SMARCAD1: variants seen among roughly 807,000 people sequenced by gnomAD.
SMARCAD1 encodes the protein SWI/SNF-related matrix-associated actin-dependent regulator of chromatin subfamily A containing DEAD/H box 1.
SMARCAD1 carries 25 observed loss-of-function variants against 127.1 expected under a neutral mutation model. The observed-to-expected ratio is 0.20, with a 90% CI of 0.14 to 0.27. The LOEUF (loss-of-function observed/expected upper bound fraction) is 0.27. Ranked by LOEUF, SMARCAD1 falls within the 10% of genes least tolerant of loss-of-function variation. The pLI, the probability that SMARCAD1 is intolerant of heterozygous loss-of-function variation, is 1.00. For missense variants in SMARCAD1, 807 were observed against 1,206.0 expected, an observed-to-expected ratio of 0.67 and a Z score of 4.90; for synonymous variants, 400 against 396.9, an observed-to-expected ratio of 1.01 and a Z score of -0.09.
intron 3 of SMARCAD1, 76 bp downstream of exon 3, chr4:94,226,372 T>A: frequency 9.9e-6 from 12 of 1,213,360 alleles, no homozygotes; most frequent in Non-Finnish European, 1.3e-5. Flanking sequence ...TAATTTGAGA[T>A]ATTTTGGTGA....
chr4:94,250,414 G>A (rs1749114959), intron 7 of SMARCAD1, among the ~76,000 whole-genome samples: 1 of 151,976 alleles, frequency 6.6e-6, no homozygotes, highest in Non-Finnish European at 1.5e-5. Flanking sequence ...TTGAAACTAC[G>A]TTTTGAAGTT....
chr4:94,212,612 A>T (rs1307415622), intron 2 of SMARCAD1, among the ~76,000 whole-genome samples: 1 of 151,614 alleles, frequency 6.6e-6, no homozygotes, highest in Non-Finnish European at 1.5e-5. Context: ...TCAGCCTCCC[A>T]AGTAGCTGAG....
At chr4:94,243,590 T>C (rs1049868737) in intron 6 of SMARCAD1, among the ~76,000 whole-genome samples, 3 of 152,208 alleles carry the variant, frequency 2.0e-5, no homozygotes, top group Admixed American at 6.5e-5. Flanking sequence ...TTTTAAAATG[T>C]GAATTTATTC....
chr4:94,249,001 CTT>C (rs1404758460), intron 6 of SMARCAD1, among the ~76,000 whole-genome samples: 1 of 152,060 alleles, frequency 6.6e-6, no homozygotes, highest in Non-Finnish European at 1.5e-5. Context: ...CACAAGGAGT[CTT>C]TTCTTTTTGC....
chr4:94,283,898 C>T (rs1754468629), intron 22 of SMARCAD1, among the ~76,000 whole-genome samples: 1 of 152,094 alleles, frequency 6.6e-6, no homozygotes, highest in African/African-American at 2.4e-5. Flanking sequence ...CTTGTTAGAT[C>T]AGTTAAGTCC....
chr4:94,271,924 A>G (rs892413155), intron 11 of SMARCAD1, among the ~76,000 whole-genome samples: 4 of 152,240 alleles, frequency 2.6e-5, no homozygotes, highest in Non-Finnish European at 4.4e-5. Flanking sequence ...GCGCAACACA[A>G]TATTTATAAG....
At chr4:94,212,943 G>A (rs1316998002) in intron 2 of SMARCAD1, 1 of 586,064 alleles carries the variant, frequency 1.7e-6, no homozygotes, top group African/African-American at 1.9e-5. Context: ...TCTGCCCCCT[G>A]ATTTATTTTA....
rs1166187219 is a variant in SMARCAD1, at chr4:94,290,406, ATGTTGGTGACATTT to A, written c.*874_*887del. On this transcript the variant is annotated 3_prime_UTR_variant, in exon 24 of 24. Transcript: ENST00000354268. ...TGCCACATCTCCATGCATCAGCAAA[ATGTTGGTGACATTT>A]TTCTAGCCTGGCAGAACAGATTACT... The A allele has an allele frequency of 2.2e-6, 1 of 454,420 alleles. No individual in the cohort carries two copies. The highest frequency in any genetic ancestry group is 2.0e-5 in the African/African-American group (1 of 49,998). 28.1% of individuals were successfully genotyped at this position (454,420 alleles called of 1,614,324 possible).
intron 2 of SMARCAD1, among the ~76,000 whole-genome samples, chr4:94,218,418 G>C (rs534585448): frequency 1.3e-5 from 2 of 151,948 alleles, no homozygotes; most frequent in East Asian, 3.9e-4. Context: ...TCAGCCTCCT[G>C]AGTAGCTGGT....
Position 94,249,992 on chromosome 4 carries a change from A to G in SMARCAD1, c.807+237A>G, listed in dbSNP as rs78894912. Among the ~76,000 whole-genome samples the G allele has an allele frequency of 6.7e-3, 1,020 of 152,072 alleles. 6 individuals are homozygous for G. The highest frequency in any genetic ancestry group is 0.054 in the Middle Eastern group (16 of 294). On this transcript the variant is annotated intron_variant, in intron 7 of 23. Transcript: ENST00000354268. ...AAGTCATTAAAAAATAACCGTAATAAAAATTGTGAACTCATTTATAACATG... is the reference window on the plus strand; with the variant it reads ...AAGTCATTAAAAAATAACCGTAATAGAAATTGTGAACTCATTTATAACATG...
rs1169646971 is a variant in SMARCAD1 at position 94,289,882 on chromosome 4, A to G, written c.*348A>G. On this transcript the variant is annotated 3_prime_UTR_variant, in exon 24 of 24. Transcript: ENST00000354268. ...ATTATTTCTACCTCCAAATATATAT[A>G]TATTGTCTTTCACTGGATAATGTGT... 4.3e-6 allele frequency: 2 copies of G among 462,050 alleles called. No individual in the cohort carries two copies. Among genetic ancestry groups the G allele is most frequent in the East Asian group, 1.3e-4 (2 of 15,150 alleles). The allele number at this position is 462,050 out of a possible 1,614,324, so 28.6% of individuals were successfully genotyped here.
At chr4:94,283,354 G>C (rs774500270) in intron 22 of SMARCAD1, 51 bp downstream of exon 22, 18 of 1,551,692 alleles carry the variant, frequency 1.2e-5, no homozygotes, top group Non-Finnish European at 1.6e-5. Context: ...ACTTTAATTT[G>C]TGTAGACCAT....
At chr4:94,211,030 T>C (rs557286439) in intron 2 of SMARCAD1, among the ~76,000 whole-genome samples, 1 of 151,494 alleles carries the variant, frequency 6.6e-6, no homozygotes, top group Non-Finnish European at 1.5e-5. Context: ...CCCAGCACTT[T>C]GGGAGGCTGA....
rs112730246 is a variant in SMARCAD1, at chr4:94,289,660, C to G, written c.*126C>G. 1.0e-6 allele frequency: 1 copy of G among 974,840 alleles called. No individual in the cohort carries two copies. Among genetic ancestry groups the G allele is most frequent in the African/African-American group, 1.6e-5 (1 of 62,466 alleles). 60.4% of individuals were successfully genotyped at this position (974,840 alleles called of 1,614,324 possible). A position where few individuals can be genotyped will look rare whatever the true frequency, so the allele number is the denominator to read the frequency against. On this transcript the variant is annotated 3_prime_UTR_variant, in exon 24 of 24. Coordinates refer to ENST00000354268, the MANE Select transcript of SMARCAD1 (RefSeq NM_020159.5). The stretch of plus-strand genomic sequence containing the variant: ...TTTTTATAATTTCCATATTACATTT[C>G]TCATAGTATGGACAACTTTTTGCCA...
intron 3 of SMARCAD1, among the ~76,000 whole-genome samples, chr4:94,229,088 G>T (rs911477182): frequency 6.6e-6 from 1 of 151,998 alleles, no homozygotes; most frequent in Non-Finnish European, 1.5e-5. Flanking sequence ...GTTGAACTTT[G>T]ATGACTCAAT....
chr4:94,208,380 G>A lies in SMARCAD1; in HGVS notation c.-15G>A, dbSNP rs1231939471. The A allele has an allele frequency of 2.5e-6, 4 of 1,613,612 alleles. No individual in the cohort carries two copies. The highest frequency in any genetic ancestry group is 2.5e-6 in the Non-Finnish European group (3 of 1,179,934). On this transcript the variant is annotated 5_prime_UTR_variant, in exon 2 of 24. The change creates a new upstream start codon in the 5' untranslated region. Coordinates refer to ENST00000354268, the MANE Select transcript of SMARCAD1 (RefSeq NM_020159.5). Reference sequence around the variant, plus strand: ...TTAAAGCCCCCATCCCTGCAAGGTGGTGCTTTCTACCAATATGAATCTTTT... The same window carrying A: ...TTAAAGCCCCCATCCCTGCAAGGTGATGCTTTCTACCAATATGAATCTTTT...
chr4:94,228,624 A>G (rs1327628781), intron 3 of SMARCAD1, among the ~76,000 whole-genome samples: 3 of 151,992 alleles, frequency 2.0e-5, no homozygotes, highest in East Asian at 1.9e-4. Context: ...CACCAAGAAT[A>G]TCTTGCAGTG....
At chr4:94,228,860 T>C (rs1745408647) in intron 3 of SMARCAD1, among the ~76,000 whole-genome samples, 1 of 152,198 alleles carries the variant, frequency 6.6e-6, no homozygotes, top group South Asian at 2.1e-4. Flanking sequence ...TCAGTCTTTT[T>C]CTGTTTCTCA....
intron 10 of SMARCAD1, among the ~76,000 whole-genome samples, chr4:94,265,681 T>A (rs2125958241): frequency 6.6e-6 from 1 of 151,836 alleles, no homozygotes; most frequent in African/African-American, 2.4e-5. Context: ...TCAGAATACT[T>A]CCCTTTTTAA....
Sources: allele counts gnomAD v4.1 joint callset (sites outside exome capture counted in the v4.1 genomes callset), GRCh38; gene constraint gnomAD v4.1.1; transcripts MANE v1.5; gene names NCBI Gene and HGNC (gene_info 2026-07-23, HGNC 2026-07-21).